The following EDEM1 variants were observed in gnomAD, a reference collection of about 807,000 sequenced individuals.
EDEM1 encodes ER degradation-enhancing alpha-mannosidase-like protein 1.
In EDEM1, 67 loss-of-function variants were observed where a neutral mutation model predicts 74.4. The ratio of observed to expected loss-of-function variants is 0.90; its 90% CI spans 0.74 to 1.10. The LOEUF is 1.10. Among genes scored for constraint, EDEM1 ranks in the 50% least tolerant of loss-of-function variants. The probability of loss-of-function intolerance (pLI) is 0.00; values close to 1 mark genes in which losing one functional copy is unlikely to be tolerated. For missense variants in EDEM1, 926 were observed against 851.6 expected (o/e 1.09, Z -1.09); for synonymous variants, 382 against 335.9 (o/e 1.14, Z -1.50).
chr3:5,201,905 C>T lies in EDEM1; in HGVS notation c.839C>T (p.Thr280Ile). The change falls in exon 4 of 12, where the codon ACA becomes ATA. Residue 280 changes from threonine to isoleucine, a missense_variant. Physicochemically the swap from Thr to Ile is moderately conservative, Grantham distance 89. Coordinates refer to ENST00000256497, the MANE Select transcript of EDEM1 (RefSeq NM_014674.3). ...CTCCCTGCTTTTGAAAACACCAAGA[C>T]AGGGATTCCATATCCTCGGGTGGGT... ...RLLPAFENTK[T>I]GIPYPRVNLK... 1.9e-6 allele frequency: 3 copies of T among 1,613,920 alleles called. No homozygotes were observed. Among genetic ancestry groups the T allele is most frequent in the South Asian group, 1.1e-5 (1 of 90,984 alleles).
At chr3:5,195,040 G>T (rs1366792987) in intron 1 of EDEM1, 169 bp from the exon 2 acceptor site, 2 of 430,774 alleles carry the variant, frequency 4.6e-6, no homozygotes, top group Non-Finnish European at 8.3e-6. Context: ...GGACACCATA[G>T]AAAGTGTTAC....
At chr3:5,201,985 C>G in intron 4 of EDEM1, 61 bp downstream of exon 4, 1 of 1,540,104 alleles carries the variant, frequency 6.5e-7, no homozygotes, top group Non-Finnish European at 8.7e-7. Context: ...AATTAAAATT[C>G]TTTGCTTACT....
intron 8 of EDEM1, 78 bp downstream of exon 8, chr3:5,208,341 C>A (rs1486678433): frequency 2.0e-6 from 3 of 1,522,116 alleles, no homozygotes; most frequent in Non-Finnish European, 2.7e-6. Flanking sequence ...TGAACATTTG[C>A]TGAGTGATTT....
At chr3:5,210,319 A>G in intron 9 of EDEM1, 71 bp downstream of exon 9, 1 of 1,409,070 alleles carries the variant, frequency 7.1e-7, no homozygotes, top group Non-Finnish European at 1.0e-6. Context: ...TTGGGGAAAT[A>G]TCCTAGTTTG....
chr3:5,188,415 A>T, intron 1 of EDEM1, 101 bp downstream of exon 1: 1 of 1,230,324 alleles, frequency 8.1e-7, no homozygotes, highest in Non-Finnish European at 1.0e-6. Context: ...CGAGGGCGCC[A>T]GGGCCGTTAG....
chr3:5,208,398 C>G, intron 8 of EDEM1, 135 bp downstream of exon 8: 1 of 1,052,670 alleles, frequency 9.5e-7, no homozygotes, highest in Non-Finnish European at 1.4e-6. Context: ...ACCCCCTATC[C>G]GTAGTCTTGT....
chr3:5,211,653 A>AGTGTGTGTGT (rs34661098), intron 10 of EDEM1, among the ~76,000 whole-genome samples: 4 of 146,876 alleles, frequency 2.7e-5, no homozygotes, highest in Admixed American at 6.7e-5. Flanking sequence ...TGAGTGAGTG[A>AGTGTGTGTGT]GTGTGTGTGT....
At chr3:5,205,041 C>G (rs749170402) in intron 5 of EDEM1, 26 bp from the exon 6 acceptor site, 3 of 1,610,982 alleles carry the variant, frequency 1.9e-6, no homozygotes, top group African/African-American at 2.7e-5. Flanking sequence ...CAGCTGGGAC[C>G]TCAAGTGCCT....
chr3:5,208,770 TACACACACAC>T (rs536161440), intron 8 of EDEM1, among the ~76,000 whole-genome samples: 1 of 148,322 alleles, frequency 6.7e-6, no homozygotes, highest in Non-Finnish European at 1.5e-5. Context: ...TATATATATA[TACACACACAC>T]ACACACACAT....
rs2054953073 is a variant in EDEM1 at position 5,195,381 on chromosome 3, T to G, written c.582+100T>G. The G allele has an allele frequency of 9.4e-6, 5 of 530,492 alleles. No homozygotes were observed. The South Asian group carries it at 2.1e-4, about 22-fold the overall frequency. The allele number at this position is 530,492 out of a possible 1,614,324, so 32.9% of individuals were successfully genotyped here. On this transcript the variant is annotated intron_variant, in intron 2 of 11. Coordinates refer to ENST00000256497, the MANE Select transcript of EDEM1 (RefSeq NM_014674.3). Reference sequence around the variant, plus strand: ...TGGGAATTCCAGGGAGCCTGATAAGTCAAAATGTATCATTAGCTTTGATAA... The same window carrying G: ...TGGGAATTCCAGGGAGCCTGATAAGGCAAAATGTATCATTAGCTTTGATAA...
intron 1 of EDEM1, among the ~76,000 whole-genome samples, chr3:5,194,854 C>T (rs956838304): frequency 1.3e-5 from 2 of 152,104 alleles, no homozygotes; most frequent in Non-Finnish European, 2.9e-5. Context: ...TTCTTTAGTT[C>T]CTAATGATTG....
Position 5,187,772 on chromosome 3 carries a change from G to T in EDEM1, c.-34G>T. The T allele has an allele frequency of 6.6e-7, 1 of 1,515,808 alleles. No homozygotes were observed. Among genetic ancestry groups the T allele is most frequent in the Non-Finnish European group, 8.8e-7 (1 of 1,131,970 alleles). 93.9% of individuals were successfully genotyped at this position (1,515,808 alleles called of 1,614,324 possible). On this transcript the variant is annotated 5_prime_UTR_variant, in exon 1 of 12. Coordinates refer to ENST00000256497, the MANE Select transcript of EDEM1 (RefSeq NM_014674.3). ...CGGTGGTCGGCGGGGAGGCCCCCGC[G>T]CTTTAAAATAATGCCCGCGGCGCCC...
At chr3:5,208,389 C>A (rs541830835) in intron 8 of EDEM1, 126 bp downstream of exon 8, 137 of 1,144,010 alleles carry the variant, frequency 1.2e-4, no homozygotes, top group African/African-American at 1.1e-3. Flanking sequence ...GATTGAGTTA[C>A]CCCCTATCCG....
chr3:5,210,539 G>A (rs763932523), intron 9 of EDEM1, among the ~76,000 whole-genome samples: 4 of 152,046 alleles, frequency 2.6e-5, no homozygotes, highest in Non-Finnish European at 4.4e-5. Context: ...AAAATATAAA[G>A]CAGTAGAATA....
Position 5,203,769 on chromosome 3 carries a change from G to A in EDEM1, c.1042+620G>A, listed in dbSNP as rs775452872. ...TTATTTTGAGTTAGGGTCTCACTGT[G>A]TCACCTAGGCTGGAGTTCAGTGGTG... On this transcript the variant is annotated intron_variant, in intron 5 of 11. Coordinates refer to ENST00000256497, the MANE Select transcript of EDEM1 (RefSeq NM_014674.3). 5.3e-4 allele frequency among the ~76,000 whole-genome samples: 81 copies of A among 152,166 alleles called. 1 individual carries two copies. Among genetic ancestry groups the A allele is most frequent in the Non-Finnish European group, 1.1e-3 (78 of 68,034 alleles).
chr3:5,213,286 T>TA, intron 10 of EDEM1, 33 bp from the exon 11 acceptor site: 1 of 1,593,484 alleles, frequency 6.3e-7, no homozygotes, highest in Non-Finnish European at 8.6e-7. Context: ...GTGCTACAAT[T>TA]ATTGGTTGTA....
chr3:5,206,436 G>A (rs1454456596), intron 6 of EDEM1, among the ~76,000 whole-genome samples: 1 of 152,060 alleles, frequency 6.6e-6, no homozygotes, highest in East Asian at 1.9e-4. Context: ...TCAAACTCCT[G>A]ACCTCGTGAT....
rs1400411132 is a variant in EDEM1 at position 5,202,889 on chromosome 3, T to C, written c.859-77T>C. The stretch of plus-strand genomic sequence containing the variant: ...GTAAGCTTGGTTTATTAGCTGAGTG[T>C]AGTCTCTGAGACCCGGCTTTTCAGC... On this transcript the variant is annotated intron_variant, in intron 4 of 11. Coordinates refer to ENST00000256497, the MANE Select transcript of EDEM1 (RefSeq NM_014674.3). 3 of 1,346,094 alleles carry C rather than the reference T, an allele frequency of 2.2e-6. No homozygotes were observed. The East Asian group carries it at 7.1e-5, about 32-fold the overall frequency. The allele number at this position is 1,346,094 out of a possible 1,614,324, so 83.4% of individuals were successfully genotyped here.
chr3:5,205,251 C>A lies in EDEM1; in HGVS notation c.1217+10C>A, dbSNP rs778583917. ...ACTACTTAAGAAGAGGGTATGTCTC[C>A]CTAACATCTCCTCTGTTGCCTTGTA... On this transcript the variant is annotated intron_variant, in intron 6 of 11. Transcript: ENST00000256497. The A allele has an allele frequency of 3.1e-6, 5 of 1,607,690 alleles. No homozygotes were observed. The highest frequency in any genetic ancestry group is 1.7e-5 in the Admixed American group (1 of 59,100).
Sources: allele counts gnomAD v4.1 joint callset (sites outside exome capture counted in the v4.1 genomes callset), GRCh38; gene constraint gnomAD v4.1.1; transcripts MANE v1.5; gene names NCBI Gene and HGNC (gene_info 2026-07-23, HGNC 2026-07-21).